Variants in LPP observed in about 807,000 individuals in gnomAD.
LPP encodes lipoma-preferred partner.
LPP carries 38 observed loss-of-function variants against 60.4 expected under a neutral mutation model. The observed-to-expected ratio is 0.63, with a 90% confidence interval of 0.49 to 0.83. LPP has a LOEUF of 0.83. Ranked by LOEUF, LPP falls within the 40% of genes least tolerant of loss-of-function variation. The pLI is 0.00. For missense variants in LPP, 902 were observed against 783.6 expected (o/e 1.15, Z -1.80); for synonymous variants, 328 against 290.8 (o/e 1.13, Z -1.30).
intron 7 of LPP, among the ~76,000 whole-genome samples, chr3:188,612,869 T>C (rs1473258429): frequency 6.6e-6 from 1 of 150,950 alleles, no homozygotes; most frequent in African/African-American, 2.4e-5. Context: ...GAATATGATA[T>C]AGTAAAAAAG....
chr3:188,875,247 A>C lies in LPP; in HGVS notation c.*768A>C, dbSNP rs1325675077. 9.1e-6 allele frequency: 2 copies of C among 218,874 alleles called. No individual in the cohort carries two copies. The highest frequency in any genetic ancestry group is 1.8e-5 in the Non-Finnish European group (2 of 109,108). The allele number at this position is 218,874 out of a possible 1,614,324, so 13.6% of individuals were successfully genotyped here. On this transcript the variant is annotated 3_prime_UTR_variant, in exon 12 of 12. Coordinates refer to ENST00000617246, the MANE Select transcript of LPP (RefSeq NM_001375462.1). ...AGGCATTTTGGGGTTATGTTTAAAA[A>C]AACATTATTGTCCCACAATATTACC...
intron 9 of LPP, among the ~76,000 whole-genome samples, chr3:188,761,507 A>G (rs1219837173): frequency 1.3e-5 from 2 of 152,224 alleles, no homozygotes; most frequent in Non-Finnish European, 2.9e-5. Context: ...ATACAGTGGT[A>G]GAGTTGGAAA....
intron 6 of LPP, among the ~76,000 whole-genome samples, chr3:188,603,550 C>T (rs925586188): frequency 6.6e-6 from 1 of 151,976 alleles, no homozygotes; most frequent in Non-Finnish European, 1.5e-5. Context: ...GATTGGTTTC[C>T]GTCTCAGGAG....
intron 6 of LPP, among the ~76,000 whole-genome samples, chr3:188,590,388 C>T (rs1040168623): frequency 2.0e-5 from 3 of 152,084 alleles, no homozygotes; most frequent in Non-Finnish European, 4.4e-5. Context: ...GCCTGGCCAA[C>T]ATGGTGAAAC....
At chr3:188,668,721 G>A (rs1444993308) in intron 7 of LPP, among the ~76,000 whole-genome samples, 1 of 152,052 alleles carries the variant, frequency 6.6e-6, no homozygotes, top group Non-Finnish European at 1.5e-5. Context: ...TTTTTCCGTG[G>A]GACAATTACT....
At chr3:188,410,828 T>C (rs1433195240) in intron 4 of LPP, among the ~76,000 whole-genome samples, 1 of 152,170 alleles carries the variant, frequency 6.6e-6, no homozygotes, top group East Asian at 1.9e-4. Flanking sequence ...TTCTGAGATT[T>C]CGGTGTGCCC....
intron 7 of LPP, among the ~76,000 whole-genome samples, chr3:188,644,534 G>A (rs1324708178): frequency 6.6e-6 from 1 of 151,976 alleles, no homozygotes; most frequent in Non-Finnish European, 1.5e-5. Flanking sequence ...TAACAAAAAA[G>A]TATATTTTCA....
intron 2 of LPP, among the ~76,000 whole-genome samples, chr3:188,316,257 G>A (rs1302361688): frequency 2.0e-5 from 3 of 152,210 alleles, no homozygotes; most frequent in East Asian, 3.9e-4. Flanking sequence ...CAGCCTGGAC[G>A]AAAAGAGTGA....
At chr3:188,678,312 T>C (rs996927000) in intron 7 of LPP, among the ~76,000 whole-genome samples, 4 of 152,248 alleles carry the variant, frequency 2.6e-5, no homozygotes, top group South Asian at 2.1e-4. Flanking sequence ...TTACATTTAA[T>C]GTAGCTTTAT....
At chr3:188,392,750 A>G (rs893281642) in intron 3 of LPP, among the ~76,000 whole-genome samples, 8 of 152,186 alleles carry the variant, frequency 5.3e-5, no homozygotes, top group Non-Finnish European at 1.2e-4. Flanking sequence ...AGGTGCATTT[A>G]TAAGGCAACC....
chr3:188,292,568 G>A (rs1385871188), intron 2 of LPP, among the ~76,000 whole-genome samples: 1 of 152,164 alleles, frequency 6.6e-6, no homozygotes, highest in Non-Finnish European at 1.5e-5. Flanking sequence ...CTTGGGAGGT[G>A]GGAAGGATTG....
At chr3:188,662,288 G>A (rs888333638) in intron 7 of LPP, among the ~76,000 whole-genome samples, 10 of 152,248 alleles carry the variant, frequency 6.6e-5, no homozygotes, top group Middle Eastern at 3.4e-3. Context: ...ATATAACATC[G>A]TTGGGCTGCT....
chr3:188,463,468 T>C (rs1013917332), intron 4 of LPP, among the ~76,000 whole-genome samples: 4 of 152,164 alleles, frequency 2.6e-5, no homozygotes, highest in Non-Finnish European at 5.9e-5. Context: ...CCTCCCATAG[T>C]GCTACAATAT....
chr3:188,669,759 A>T (rs1856586502), intron 7 of LPP, among the ~76,000 whole-genome samples: 1 of 151,812 alleles, frequency 6.6e-6, no homozygotes, highest in Admixed American at 6.5e-5. Flanking sequence ...TACTGGGTAT[A>T]CCCAAAGGAT....
At chr3:188,539,303 T>A (rs1824492664) in intron 6 of LPP, among the ~76,000 whole-genome samples, 2 of 152,186 alleles carry the variant, frequency 1.3e-5, no homozygotes, top group Admixed American at 1.3e-4. Flanking sequence ...ACAGTTATAG[T>A]ACTTAAGCGT....
chr3:188,559,393 G>A (rs1560563888), intron 6 of LPP, among the ~76,000 whole-genome samples: 2 of 152,158 alleles, frequency 1.3e-5, no homozygotes, highest in East Asian at 3.9e-4. Context: ...AGTGTAAAAT[G>A]ATGTGTGAAA....
chr3:188,407,976 T>G (rs1784064893), intron 4 of LPP, among the ~76,000 whole-genome samples: 2 of 151,918 alleles, frequency 1.3e-5, no homozygotes, highest in African/African-American at 2.4e-5. Context: ...TTAGTAGAGA[T>G]GGCGTTTCTC....
At chr3:188,506,346 C>T (rs1221803293) in intron 5 of LPP, among the ~76,000 whole-genome samples, 1 of 152,120 alleles carries the variant, frequency 6.6e-6, no homozygotes, top group Non-Finnish European at 1.5e-5. Context: ...ACTGCTGGTT[C>T]AGAGTAAAGG....
chr3:188,323,726 T>G (rs577559814), intron 2 of LPP, among the ~76,000 whole-genome samples: 1 of 152,332 alleles, frequency 6.6e-6, no homozygotes, highest in Admixed American at 6.5e-5. Context: ...GATTTGCCAG[T>G]TGTGATCTTG....
Sources: gnomAD v4.1 joint callset for allele counts (sites outside exome capture counted in the v4.1 genomes callset) on GRCh38, gnomAD v4.1.1 for gene constraint, MANE v1.5 for transcripts, NCBI Gene and HGNC (gene_info 2026-07-23, HGNC 2026-07-21) for gene names.